RAD51B: variants seen among roughly 807,000 people sequenced by gnomAD.
The protein encoded by RAD51B is RAD51 paralog B, also known as DNA repair protein RAD51 homolog 2.
A neutral mutation model predicts 42.2 loss-of-function variants in RAD51B; 38 were observed. The observed-to-expected ratio is 0.90, with a 90% CI of 0.70 to 1.18. The LOEUF is 1.18. RAD51B is among the 50% of genes most tolerant of loss of function. The probability of loss-of-function intolerance (pLI) is 0.00; values close to 1 mark genes in which losing one functional copy is unlikely to be tolerated. For missense variants in RAD51B, 373 were observed against 400.7 expected, an observed-to-expected ratio of 0.93 and a Z score of 0.59; for synonymous variants, 154 against 145.2, an observed-to-expected ratio of 1.06 and a Z score of -0.43.
chr14:68,108,691 T>C (rs1182474715), intron 7 of RAD51B, among the ~76,000 whole-genome samples: 1 of 151,912 alleles, frequency 6.6e-6, no homozygotes, highest in East Asian at 1.9e-4. Flanking sequence ...AATTAGATAT[T>C]GGTGATGGTT....
chr14:67,859,387 T>C (rs558959461), intron 4 of RAD51B, among the ~76,000 whole-genome samples: 11 of 152,378 alleles, frequency 7.2e-5, no homozygotes, highest in African/African-American at 2.2e-4. Context: ...ATGCTTCTCC[T>C]ATGAGACATT....
chr14:67,939,112 A>T (rs138033086), intron 7 of RAD51B, among the ~76,000 whole-genome samples: 46 of 152,284 alleles, frequency 3.0e-4, no homozygotes, highest in African/African-American at 1.0e-3. Context: ...GTAAGAAATA[A>T]TTTCATATCT....
intron 7 of RAD51B, among the ~76,000 whole-genome samples, chr14:68,011,861 T>C (rs1406072393): frequency 6.6e-6 from 1 of 152,126 alleles, no homozygotes; most frequent in Non-Finnish European, 1.5e-5. Context: ...TTAGTCTGGC[T>C]GTTTCTCACC....
chr14:68,276,914 G>C (rs1449107819), intron 7 of RAD51B, among the ~76,000 whole-genome samples: 1 of 152,188 alleles, frequency 6.6e-6, no homozygotes, highest in African/African-American at 2.4e-5. Flanking sequence ...AGGTAGTACT[G>C]GCTACTGGGA....
intron 3 of RAD51B, among the ~76,000 whole-genome samples, chr14:67,833,684 T>A (rs1231438936): frequency 6.6e-6 from 1 of 152,216 alleles, no homozygotes; most frequent in African/African-American, 2.4e-5. Context: ...TTAAAACTTA[T>A]GAATTATTTC....
intron 7 of RAD51B, among the ~76,000 whole-genome samples, chr14:68,098,343 A>T (rs1402660579): frequency 1.3e-5 from 2 of 152,254 alleles, no homozygotes; most frequent in African/African-American, 4.8e-5. Flanking sequence ...TAGTGAACAA[A>T]ATAGTACCTG....
Position 67,865,905 on chromosome 14 carries a change from TACAAACTCTG to T in RAD51B, c.452+771_452+780del, listed in dbSNP as rs1376430771. On this transcript the variant is annotated intron_variant, in intron 5 of 10. Coordinates refer to ENST00000471583, the MANE Select transcript of RAD51B (RefSeq NM_133510.4). ...AAGGAATGATAGAATATCACCAAAT[TACAAACTCTG>T]ACAATCTAATGGATCTAGGCATTTA... Among the ~76,000 whole-genome samples the T allele has an allele frequency of 2.6e-5, 4 of 152,170 alleles. No individual in the cohort carries two copies. In the East Asian group the frequency reaches 7.7e-4, roughly 29 times the overall value.
intron 8 of RAD51B, among the ~76,000 whole-genome samples, chr14:68,344,946 C>CAAA (rs34579667): frequency 7.7e-4 from 87 of 113,044 alleles, no homozygotes; most frequent in South Asian, 2.8e-3. Flanking sequence ...GACTCAATCT[C>CAAA]AAAAAAAAAA....
chr14:68,379,485 A>G (rs1259716215), intron 8 of RAD51B, among the ~76,000 whole-genome samples: 1 of 152,184 alleles, frequency 6.6e-6, no homozygotes, highest in African/African-American at 2.4e-5. Flanking sequence ...TCGGTGTCCT[A>G]GGCCTTAGAG....
At chr14:68,311,873 G>A (rs2081973932) in intron 8 of RAD51B, among the ~76,000 whole-genome samples, 1 of 152,104 alleles carries the variant, frequency 6.6e-6, no homozygotes, top group African/African-American at 2.4e-5. Flanking sequence ...AGCCTGGGCT[G>A]CAGAGCAAGA....
At chr14:68,174,425 G>A (rs1176976673) in intron 7 of RAD51B, among the ~76,000 whole-genome samples, 2 of 152,078 alleles carry the variant, frequency 1.3e-5, no homozygotes, top group South Asian at 2.1e-4. Context: ...ATAGGAAAGA[G>A]AACAACATCA....
chr14:68,531,197 A>T (rs986245184), intron 10 of RAD51B, among the ~76,000 whole-genome samples: 3 of 152,048 alleles, frequency 2.0e-5, no homozygotes, highest in African/African-American at 7.2e-5. Flanking sequence ...GAAGAAAAAA[A>T]CCTAAGAGAA....
intron 7 of RAD51B, among the ~76,000 whole-genome samples, chr14:68,187,415 C>G (rs989997332): frequency 3.9e-5 from 6 of 152,038 alleles, no homozygotes; most frequent in African/African-American, 1.2e-4. Context: ...ATGCTGACCA[C>G]ATAGAAATGT....
intron 7 of RAD51B, among the ~76,000 whole-genome samples, chr14:68,254,868 C>T (rs995172625): frequency 2.0e-5 from 3 of 152,128 alleles, no homozygotes; most frequent in African/African-American, 7.2e-5. Context: ...GTAAATTACC[C>T]ACTGGGTACT....
chr14:68,647,963 C>T (rs1892595144), intron 10 of RAD51B, among the ~76,000 whole-genome samples: 1 of 149,058 alleles, frequency 6.7e-6, no homozygotes, highest in South Asian at 2.1e-4. Flanking sequence ...AGGCATGAGC[C>T]ACTGCACCCA....
chr14:67,918,477 C>G (rs984310435), intron 7 of RAD51B, among the ~76,000 whole-genome samples: 1 of 152,204 alleles, frequency 6.6e-6, no homozygotes, highest in African/African-American at 2.4e-5. Flanking sequence ...TCAGTTGATT[C>G]ATCTGCCTCG....
intron 8 of RAD51B, among the ~76,000 whole-genome samples, chr14:68,302,891 C>T (rs1443952482): frequency 6.6e-6 from 1 of 152,182 alleles, no homozygotes; most frequent in East Asian, 1.9e-4. Context: ...CCCTCATTCC[C>T]ATAAACCCAC....
chr14:68,325,031 A>G (rs973671678), intron 8 of RAD51B, among the ~76,000 whole-genome samples: 5 of 152,188 alleles, frequency 3.3e-5, no homozygotes, highest in African/African-American at 1.2e-4. Context: ...AATAAATTCC[A>G]TTAGTGGAGT....
intron 10 of RAD51B, among the ~76,000 whole-genome samples, chr14:68,574,765 T>G (rs970605417): frequency 6.6e-6 from 1 of 152,224 alleles, no homozygotes; most frequent in Admixed American, 6.5e-5. Flanking sequence ...TTATTTTTAT[T>G]TTTTCATGGC....
Sources: allele counts gnomAD v4.1 joint callset (sites outside exome capture counted in the v4.1 genomes callset), GRCh38; gene constraint gnomAD v4.1.1; transcripts MANE v1.5; gene names NCBI Gene and HGNC (gene_info 2026-07-23, HGNC 2026-07-21).